The following IAPP variants were observed in gnomAD, a reference collection of about 807,000 sequenced individuals.
IAPP encodes islet amyloid polypeptide, also known as Islet amyloid polypeptide (diabetes-associated peptide; amylin).
In IAPP, 4 loss-of-function variants were observed where a neutral mutation model predicts 2.9. The ratio of observed to expected loss-of-function variants is 1.39; its 90% CI spans 0.69 to 3.19. The LOEUF is 3.19. IAPP is among the 30% of genes most tolerant of loss of function. The probability of loss-of-function intolerance (pLI) is 0.01; values close to 1 mark genes in which losing one functional copy is unlikely to be tolerated. For missense variants in IAPP, 114 were observed against 105.3 expected, an observed-to-expected ratio of 1.08 and a Z score of -0.36; for synonymous variants, 40 against 42.1, an observed-to-expected ratio of 0.95 and a Z score of 0.19.
At chr12:21,368,566 T>G (rs1939559569), upstream of IAPP, among the ~76,000 whole-genome samples, 1 of 152,110 alleles carries the variant, frequency 6.6e-6, no homozygotes, top group Non-Finnish European at 1.5e-5. Context: ...GGATAATGGT[T>G]TCAGAGCTAT....
Position 21,379,080 on chromosome 12 carries a change from A to C in IAPP, c.*654A>C, listed in dbSNP as rs966320341. 1 of 152,258 alleles carries C rather than the reference A, an allele frequency of 6.6e-6. No homozygotes were observed. The highest frequency in any genetic ancestry group is 6.5e-5 in the Admixed American group (1 of 15,278). 9.4% of individuals were successfully genotyped at this position (152,258 alleles called of 1,614,324 possible). ...GCAGAGTGAGACTCGTCTCAAAAAA[A>C]AGAAAGAAAATTAGTAATTGTAAGT... On this transcript the variant is annotated 3_prime_UTR_variant, in exon 3 of 3. Transcript: ENST00000240652.
chr12:21,361,471 G>A (rs1294112986), intron 1 of IAPP, among the ~76,000 whole-genome samples: 1 of 152,178 alleles, frequency 6.6e-6, no homozygotes, highest in Non-Finnish European at 1.5e-5. Flanking sequence ...CTAAAAATTA[G>A]CGCACCTCTT....
chr12:21,355,076 CAACTT>C (rs1445783020), intron 1 of IAPP: 1 of 152,086 alleles, frequency 6.6e-6, no homozygotes, highest in Non-Finnish European at 1.5e-5. Context: ...ATAAAAAAAT[CAACTT>C]AACACAAAGA....
intron 1 of IAPP, among the ~76,000 whole-genome samples, chr12:21,366,740 T>C (rs1314145549): frequency 2.6e-5 from 4 of 151,908 alleles, no homozygotes. Flanking sequence ...TAAAAGAAGA[T>C]TCAGAAAGCA....
chr12:21,372,071 T>C (rs2137088383), upstream of IAPP, among the ~76,000 whole-genome samples: 1 of 151,272 alleles, frequency 6.6e-6, no homozygotes, highest in East Asian at 1.9e-4. Context: ...TTGGAGAAAA[T>C]TTTAAAAAGC....
At chr12:21,374,290 T>A (rs1471930275) in intron 2 of IAPP, 4 of 152,348 alleles carry the variant, frequency 2.6e-5, no homozygotes. Flanking sequence ...TGTGCATAAG[T>A]CATAAATAAC....
At chr12:21,363,086 A>G (rs1360833811) in intron 1 of IAPP, among the ~76,000 whole-genome samples, 2 of 152,228 alleles carry the variant, frequency 1.3e-5, no homozygotes, top group Non-Finnish European at 2.9e-5. Context: ...AAACAACAGA[A>G]TATACATTCT....
At chr12:21,358,602 A>G (rs767406027) in intron 1 of IAPP, among the ~76,000 whole-genome samples, 110 of 152,120 alleles carry the variant, frequency 7.2e-4, no homozygotes, top group Non-Finnish European at 1.4e-3. Context: ...TGTGTCTTAT[A>G]TTTTATCACT....
At chr12:21,376,297 A>G (rs750722975) in intron 2 of IAPP, 1 of 336,442 alleles carries the variant, frequency 3.0e-6, no homozygotes, top group South Asian at 2.3e-5. Flanking sequence ...TTTGACCCAT[A>G]ATTTTCCTTT....
At position 21,379,971 on chromosome 12, in the gene IAPP, C is replaced by A. The variant is rs1299596781; in HGVS notation, c.*1545C>A. 6.6e-6 allele frequency: 1 copy of A among 152,032 alleles called. No individual in the cohort carries two copies. The highest frequency in any genetic ancestry group is 2.4e-5 in the African/African-American group (1 of 41,414). 9.4% of individuals were successfully genotyped at this position (152,032 alleles called of 1,614,324 possible). On this transcript the variant is annotated 3_prime_UTR_variant, in exon 3 of 3. Transcript: ENST00000240652. ...ATATTGAAATAAATAGGTGAATATA[C>A]AAATTTATATTTGTGATGCTCAATT...
At chr12:21,369,844 G>A (rs1939654907), upstream of IAPP, among the ~76,000 whole-genome samples, 1 of 152,174 alleles carries the variant, frequency 6.6e-6, no homozygotes, top group Non-Finnish European at 1.5e-5. Context: ...CTTTAGAAAG[G>A]AGATTATGCC....
chr12:21,372,278 AT>A (rs371793334), upstream of IAPP, among the ~76,000 whole-genome samples: 497 of 152,134 alleles, frequency 3.3e-3, 3 homozygotes, highest in African/African-American at 0.012. Context: ...TGAAAAATGA[AT>A]TTTTTTATTC....
chr12:21,361,986 G>A (rs573609534), intron 1 of IAPP, among the ~76,000 whole-genome samples: 53 of 152,252 alleles, frequency 3.5e-4, no homozygotes, highest in African/African-American at 1.2e-3. Context: ...ATATCATGCC[G>A]GAGAACTTCC....
chr12:21,363,918 C>CA lies in IAPP; in HGVS notation c.-16+8912dup, dbSNP rs536441024. Among the ~76,000 whole-genome samples, 694 of 151,968 alleles carry CA rather than the reference C, an allele frequency of 4.6e-3. 2 individuals carry two copies. Among genetic ancestry groups the CA allele is most frequent in the Non-Finnish European group, 7.2e-3 (492 of 67,936 alleles). ...AGGCAATAATTAATAGCCTACCAAC[C>CA]AAAAAAAGTCCAGGACCAGATGGAT... is the stretch of plus-strand genomic sequence containing the variant. On this transcript the variant is annotated intron_variant, in intron 1 of 2. Transcript: ENST00000539393.
Position 21,366,849 on chromosome 12 carries a change from T to C in IAPP, c.-15-6488T>C, listed in dbSNP as rs150932648. Among the ~76,000 whole-genome samples the C allele has an allele frequency of 5.3e-3, 808 of 151,850 alleles. 8 individuals are homozygous for C. Among genetic ancestry groups the C allele is most frequent in the African/African-American group, 0.019 (778 of 41,474 alleles). On this transcript the variant is annotated intron_variant, in intron 1 of 2. Transcript: ENST00000539393. ...CATAGAAGTTAAATAATTAAAGAGA[T>C]TAAAAATAGTGAAAATATATATAAA... is the stretch of plus-strand genomic sequence containing the variant.
At chr12:21,357,459 C>A (rs1938463060) in intron 1 of IAPP, among the ~76,000 whole-genome samples, 1 of 152,200 alleles carries the variant, frequency 6.6e-6, no homozygotes, top group African/African-American at 2.4e-5. Context: ...AGACTTCTTG[C>A]CTCCAGAACT....
chr12:21,366,697 A>C (rs888099057), intron 1 of IAPP, among the ~76,000 whole-genome samples: 1 of 152,092 alleles, frequency 6.6e-6, no homozygotes, highest in Non-Finnish European at 1.5e-5. Context: ...ATAACGATGG[A>C]TATTACATCA....
At chr12:21,376,263 G>T in intron 2 of IAPP, 1 of 270,736 alleles carries the variant, frequency 3.7e-6, no homozygotes, top group Non-Finnish European at 7.9e-6. Flanking sequence ...TCTTGGAACA[G>T]ATATTACCTT....
At chr12:21,372,215 G>T (rs1205307836), upstream of IAPP, among the ~76,000 whole-genome samples, 1 of 152,082 alleles carries the variant, frequency 6.6e-6, no homozygotes, top group East Asian at 1.9e-4. Context: ...GAATGGAAAA[G>T]GTCATCCAAA....
Sources: allele counts gnomAD v4.1 joint callset (sites outside exome capture counted in the v4.1 genomes callset), GRCh38; gene constraint gnomAD v4.1.1; transcripts MANE v1.5; gene names NCBI Gene and HGNC (gene_info 2026-07-23, HGNC 2026-07-21).